Variants in F13A1 observed in about 807,000 individuals in gnomAD.
F13A1 encodes coagulation factor XIII A chain.
A neutral mutation model predicts 80.1 loss-of-function variants in F13A1; 47 were observed. The ratio of observed to expected loss-of-function variants is 0.59; its 90% CI spans 0.46 to 0.75. The LOEUF (loss-of-function observed/expected upper bound fraction) is 0.75. F13A1 is among the 30% of genes least tolerant of loss of function. F13A1 has a pLI of 0.00. For missense variants in F13A1, 817 were observed against 930.4 expected (o/e 0.88, Z 1.59); for synonymous variants, 349 against 344.9 (o/e 1.01, Z -0.13).
At position 6,169,793 on chromosome 6, in the gene F13A1, C is replaced by T. The variant is rs377578328; in HGVS notation, c.1748-2175G>A. On this transcript the variant is annotated intron_variant, in intron 12 of 14. Transcript: ENST00000264870. ...CCCATAATGTCAATGGTGCTGAAAC[C>T]AAGAAACCCCGCATAGGGCAGGTGG... Among the ~76,000 whole-genome samples the T allele has an allele frequency of 8.5e-5, 13 of 152,176 alleles. No individual in the cohort carries two copies. In the East Asian group the frequency reaches 1.2e-3, roughly 14 times the overall value.
At chr6:6,164,087 T>G (rs1385370246) in intron 13 of F13A1, among the ~76,000 whole-genome samples, 1 of 151,970 alleles carries the variant, frequency 6.6e-6, no homozygotes, top group Non-Finnish European at 1.5e-5. Flanking sequence ...ATAACCAGCA[T>G]CTATAAGGAA....
At chr6:6,241,446 T>C (rs1757482426) in intron 6 of F13A1, among the ~76,000 whole-genome samples, 2 of 152,202 alleles carry the variant, frequency 1.3e-5, no homozygotes, top group South Asian at 2.1e-4. Flanking sequence ...GGCAGTTATA[T>C]AAATCTGACA....
intron 6 of F13A1, among the ~76,000 whole-genome samples, chr6:6,229,329 A>G (rs186885928): frequency 7.9e-5 from 12 of 152,326 alleles, no homozygotes; most frequent in Admixed American, 6.5e-4. Flanking sequence ...GACCAAGGCA[A>G]CAAATTGAGG....
intron 10 of F13A1, among the ~76,000 whole-genome samples, chr6:6,185,467 C>A (rs551281621): frequency 1.3e-5 from 2 of 150,000 alleles, no homozygotes; most frequent in African/African-American, 2.4e-5. Context: ...TGAGAATATG[C>A]GGTGTTTGGT....
intron 3 of F13A1, among the ~76,000 whole-genome samples, chr6:6,270,523 A>T (rs1459107325): frequency 2.0e-5 from 3 of 152,252 alleles, no homozygotes; most frequent in Non-Finnish European, 4.4e-5. Flanking sequence ...AGTGATGCAA[A>T]TAAAGTGACA....
chr6:6,232,056 C>T (rs1326593805), intron 6 of F13A1, among the ~76,000 whole-genome samples: 4 of 151,988 alleles, frequency 2.6e-5, no homozygotes, highest in Non-Finnish European at 5.9e-5. Context: ...AACCAAAGTA[C>T]ACAGGCAACA....
At chr6:6,302,154 C>A (rs143851365) in intron 3 of F13A1, among the ~76,000 whole-genome samples, 57 of 152,302 alleles carry the variant, frequency 3.7e-4, no homozygotes, top group African/African-American at 9.9e-4. Flanking sequence ...TCAGACAAGT[C>A]CAATTCAGAA....
At chr6:6,276,445 C>T (rs745702214) in intron 3 of F13A1, among the ~76,000 whole-genome samples, 21 of 152,164 alleles carry the variant, frequency 1.4e-4, no homozygotes, top group African/African-American at 4.8e-4. Context: ...CTCACCATGT[C>T]GTTTGTTTGG....
chr6:6,285,030 G>A (rs1758116574), intron 3 of F13A1, among the ~76,000 whole-genome samples: 1 of 152,190 alleles, frequency 6.6e-6, no homozygotes, highest in Non-Finnish European at 1.5e-5. Context: ...AGACAGAGAT[G>A]GTCAAAAGTT....
chr6:6,147,347 AC>A (rs1459407289), intron 14 of F13A1, among the ~76,000 whole-genome samples: 2 of 152,192 alleles, frequency 1.3e-5, no homozygotes, highest in African/African-American at 4.8e-5. Flanking sequence ...CATTGTGCTT[AC>A]TTTTTCATAG....
At chr6:6,154,411 A>G (rs1038566632) in intron 13 of F13A1, among the ~76,000 whole-genome samples, 1 of 152,216 alleles carries the variant, frequency 6.6e-6, no homozygotes, top group African/African-American at 2.4e-5. Context: ...CAGCATCAAC[A>G]CTACTGACAT....
At chr6:6,282,083 T>A (rs1410618049) in intron 3 of F13A1, among the ~76,000 whole-genome samples, 5 of 151,096 alleles carry the variant, frequency 3.3e-5, no homozygotes, top group African/African-American at 1.2e-4. Context: ...AAAAGAATGG[T>A]AAGTGAGATA....
chr6:6,152,383 G>A (rs538727291), intron 13 of F13A1, among the ~76,000 whole-genome samples: 2 of 152,320 alleles, frequency 1.3e-5, no homozygotes, highest in Middle Eastern at 6.8e-3. Flanking sequence ...TGCCTTCTTA[G>A]TTTTAGACAC....
intron 3 of F13A1, among the ~76,000 whole-genome samples, chr6:6,270,325 T>C (rs1010050522): frequency 4.6e-5 from 7 of 152,220 alleles, no homozygotes; most frequent in African/African-American, 1.7e-4. Flanking sequence ...TTCTAAACTA[T>C]TCGCAAACAT....
intron 2 of F13A1, among the ~76,000 whole-genome samples, chr6:6,309,446 G>A (rs1758560099): frequency 6.6e-6 from 1 of 152,118 alleles, no homozygotes; most frequent in African/African-American, 2.4e-5. Flanking sequence ...AAAGGGGGGT[G>A]GAGAGGAATG....
chr6:6,148,452 G>A (rs887074217), intron 14 of F13A1, among the ~76,000 whole-genome samples: 3 of 152,212 alleles, frequency 2.0e-5, no homozygotes, highest in African/African-American at 7.2e-5. Context: ...GTGGGTGAAT[G>A]AGTGGGGGTG....
chr6:6,200,660 A>G (rs1371276150), intron 8 of F13A1, among the ~76,000 whole-genome samples: 1 of 152,296 alleles, frequency 6.6e-6, no homozygotes, highest in African/African-American at 2.4e-5. Context: ...TTCAAATTAA[A>G]AGAGACTGAG....
chr6:6,308,467 A>C (rs1057395395), intron 2 of F13A1, among the ~76,000 whole-genome samples: 7 of 151,798 alleles, frequency 4.6e-5, no homozygotes, highest in South Asian at 2.1e-4. Flanking sequence ...TCTGTAAAAA[A>C]AAAAAAAAGA....
intron 3 of F13A1, among the ~76,000 whole-genome samples, chr6:6,268,935 C>G (rs73361887): frequency 0.094 from 14,311 of 152,030 alleles, 779 homozygotes; most frequent in African/African-American, 0.11. Context: ...GGTGTTCCCC[C>G]CCGCCTCAGC....
Sources: allele counts gnomAD v4.1 joint callset (sites outside exome capture counted in the v4.1 genomes callset), GRCh38; gene constraint gnomAD v4.1.1; transcripts MANE v1.5; gene names NCBI Gene and HGNC (gene_info 2026-07-23, HGNC 2026-07-21).